DSCAML1: variants seen among roughly 807,000 people sequenced by gnomAD.
The protein encoded by DSCAML1 is DS cell adhesion molecule like 1, also known as cell adhesion molecule DSCAML1.
In DSCAML1, 38 loss-of-function variants were observed where a neutral mutation model predicts 200.5. The ratio of observed to expected loss-of-function variants is 0.19; its 90% confidence interval spans 0.15 to 0.25. DSCAML1 has a LOEUF of 0.25. Among genes scored for constraint, DSCAML1 ranks in the 10% least tolerant of loss-of-function variants. DSCAML1 has a pLI of 1.00. For missense variants in DSCAML1, 2,223 were observed against 2,858.8 expected (o/e 0.78, Z 5.07); for synonymous variants, 1,215 against 1,165.0 (o/e 1.04, Z -0.87).
intron 3 of DSCAML1, among the ~76,000 whole-genome samples, chr11:117,672,105 A>AAAAAAAAAAAAAAAAAT: frequency 4.2e-5 from 1 of 24,014 alleles, no homozygotes; most frequent in Non-Finnish European, 2.1e-4. Flanking sequence ...CAGCTCAGAA[A>AAAAAAAAAAAAAAAAAT]AAAAAAAAAA....
At chr11:117,574,971 T>A (rs1273100594) in intron 3 of DSCAML1, among the ~76,000 whole-genome samples, 2 of 151,894 alleles carry the variant, frequency 1.3e-5, no homozygotes, top group African/African-American at 2.4e-5. Context: ...AGGGTGGATC[T>A]CCTGAGGTCA....
intron 3 of DSCAML1, among the ~76,000 whole-genome samples, chr11:117,559,645 G>A (rs1237149932): frequency 6.6e-6 from 1 of 152,132 alleles, no homozygotes; most frequent in African/African-American, 2.4e-5. Flanking sequence ...GCAAATCTCA[G>A]CATCAGTGTT....
At chr11:117,809,112 G>C (rs1403429891) in intron 1 of DSCAML1, among the ~76,000 whole-genome samples, 1 of 152,234 alleles carries the variant, frequency 6.6e-6, no homozygotes, top group Non-Finnish European at 1.5e-5. Flanking sequence ...CATCCAGAGA[G>C]AATGAATCTT....
intron 3 of DSCAML1, among the ~76,000 whole-genome samples, chr11:117,632,242 A>C (rs1474890238): frequency 1.3e-5 from 2 of 152,178 alleles, no homozygotes; most frequent in Admixed American, 1.3e-4. Flanking sequence ...TTATCAGAGG[A>C]TAGCCACATG....
At position 117,505,622 on chromosome 11, in the gene DSCAML1, T is replaced by C; in HGVS notation, c.1894A>G (p.Lys632Glu). Residue 632 changes from lysine to glutamate, a missense_variant, in exon 9 of 33, where the codon AAG (lysine) becomes GAG (glutamate). Physicochemically the swap from Lys to Glu is moderately conservative, Grantham distance 56 (BLOSUM62 1). Coordinates refer to ENST00000651296, the MANE Select transcript of DSCAML1 (RefSeq NM_020693.4). This position sits in a 1 kb window ranked among gnomAD's most constrained non-coding sequence, Gnocchi z 6.7. ...CCTGAGATGATCACCTGTCCGTCCT[T>C]CCTCCAGGTGATACGGATGGGCATG... ...GDMPIRITWR[K>E]DGQVIISGSG... 1 of 1,613,868 alleles carries C rather than the reference T, an allele frequency of 6.2e-7. No individual in the cohort carries two copies. Among genetic ancestry groups the C allele is most frequent in the Non-Finnish European group, 8.5e-7 (1 of 1,180,004 alleles).
intron 8 of DSCAML1, among the ~76,000 whole-genome samples, chr11:117,508,901 A>G (rs904811958): frequency 1.3e-5 from 2 of 152,192 alleles, no homozygotes; most frequent in African/African-American, 4.8e-5. Context: ...GGTTTAGTTC[A>G]GGCAAGAAGA....
chr11:117,553,949 T>C (rs944293180), intron 3 of DSCAML1, among the ~76,000 whole-genome samples: 2 of 152,208 alleles, frequency 1.3e-5, no homozygotes, highest in Admixed American at 6.5e-5. Context: ...TGCATACACA[T>C]ACAATGGAAT....
chr11:117,448,783 G>A (rs1372369157), intron 20 of DSCAML1, among the ~76,000 whole-genome samples: 2 of 152,146 alleles, frequency 1.3e-5, no homozygotes, highest in Admixed American at 1.3e-4. Context: ...ATTGGCATGA[G>A]CACCCAACAA....
chr11:117,656,315 T>G (rs2052734122), intron 3 of DSCAML1, among the ~76,000 whole-genome samples: 1 of 152,148 alleles, frequency 6.6e-6, no homozygotes, highest in South Asian at 2.1e-4. Context: ...CTCCACCAGG[T>G]AACCCTGCTG....
chr11:117,754,550 G>T (rs915612868), intron 3 of DSCAML1, among the ~76,000 whole-genome samples: 13 of 152,254 alleles, frequency 8.5e-5, no homozygotes, highest in African/African-American at 2.6e-4. Context: ...GAAGGTGAGG[G>T]AAGGACCACA....
chr11:117,652,676 G>A (rs1170142290), intron 3 of DSCAML1, among the ~76,000 whole-genome samples: 3 of 152,324 alleles, frequency 2.0e-5, no homozygotes, highest in East Asian at 3.9e-4. Flanking sequence ...CTGGGCCCCC[G>A]AAGCAACTGG....
At chr11:117,485,241 C>A (rs766774179) in intron 11 of DSCAML1, among the ~76,000 whole-genome samples, 1 of 152,214 alleles carries the variant, frequency 6.6e-6, no homozygotes, top group Non-Finnish European at 1.5e-5. Context: ...CCTTTCTAGT[C>A]AGCTTTGTTC....
chr11:117,735,534 G>C (rs949419904), intron 3 of DSCAML1, among the ~76,000 whole-genome samples: 1 of 152,110 alleles, frequency 6.6e-6, no homozygotes. Flanking sequence ...GGACAATAAC[G>C]CCTTTCAAAA....
In DSCAML1 at chr11:117,504,850, T is replaced by C. The variant is rs1209417416; in HGVS notation, c.2182+74A>G. 6.6e-7 allele frequency: 1 copy of C among 1,521,720 alleles called. No homozygotes were observed. Among genetic ancestry groups the C allele is most frequent in the African/African-American group, 1.4e-5 (1 of 72,696 alleles). 94.3% of individuals were successfully genotyped at this position (1,521,720 alleles called of 1,614,324 possible). A position where few individuals can be genotyped will look rare whatever the true frequency, so the allele number is the denominator to read the frequency against. ...ATAGGAGTTGCCTGCATGGAACAGG[T>C]TCAAATCCCACAGAGCATCCTCCGT... On this transcript the variant is annotated intron_variant, in intron 10 of 32. Transcript: ENST00000651296. This position sits in a 1 kb window ranked among gnomAD's most constrained non-coding sequence, Gnocchi z 5.0.
Position 117,461,931 on chromosome 11 carries a change from C to T in DSCAML1, c.3266-335G>A, listed in dbSNP as rs561712553. ...CTAGGAATTCCCCAACAGGCCACCACGACCCAGGCAAATCCTGCTGTGATG... is the reference window on the plus strand; with the variant it reads ...CTAGGAATTCCCCAACAGGCCACCATGACCCAGGCAAATCCTGCTGTGATG... On this transcript the variant is annotated intron_variant, in intron 17 of 32. Transcript: ENST00000651296. Among the ~76,000 whole-genome samples, 82 of 152,324 alleles carry T rather than the reference C, an allele frequency of 5.4e-4. No homozygotes were observed. The South Asian group carries it at 5.6e-3, about 10-fold the overall frequency.
At chr11:117,648,455 T>A (rs1157991460) in intron 3 of DSCAML1, among the ~76,000 whole-genome samples, 1 of 152,210 alleles carries the variant, frequency 6.6e-6, no homozygotes, top group African/African-American at 2.4e-5. Flanking sequence ...TTCAATTCCT[T>A]GTGTGTCAGA....
At chr11:117,577,541 T>C (rs1207158159) in intron 3 of DSCAML1, among the ~76,000 whole-genome samples, 1 of 95,800 alleles carries the variant, frequency 1.0e-5, no homozygotes, top group African/African-American at 4.7e-5. Context: ...TTCCTTTCCT[T>C]CCTTCCCTCC....
At chr11:117,488,422 A>G (rs2049119497) in intron 11 of DSCAML1, among the ~76,000 whole-genome samples, 1 of 152,180 alleles carries the variant, frequency 6.6e-6, no homozygotes, top group South Asian at 2.1e-4. Context: ...AACTCTCTCT[A>G]TATGGAGACC....
chr11:117,552,669 C>T lies in DSCAML1; in HGVS notation c.512-20147G>A, dbSNP rs116134370. Among the ~76,000 whole-genome samples, 280 of 152,274 alleles carry T rather than the reference C, an allele frequency of 1.8e-3. 2 individuals are homozygous for T. The highest frequency in any genetic ancestry group is 6.3e-3 in the African/African-American group (262 of 41,548). ...GGTCCTGTAATCTGTGAAACACTGA[C>T]GTAAAGGAAAGTGATTGCTATCATC... is the stretch of plus-strand genomic sequence containing the variant. On this transcript the variant is annotated intron_variant, in intron 3 of 32. Coordinates refer to ENST00000651296, the MANE Select transcript of DSCAML1 (RefSeq NM_020693.4).
Sources: allele counts gnomAD v4.1 joint callset (sites outside exome capture counted in the v4.1 genomes callset), GRCh38; gene constraint gnomAD v4.1.1; non-coding constraint Gnocchi (gnomAD v3.1); transcripts MANE v1.5; gene names NCBI Gene and HGNC (gene_info 2026-07-23, HGNC 2026-07-21).